The following ITFG2 variants were observed in gnomAD, a reference collection of about 807,000 sequenced individuals.
ITFG2 encodes the protein KICSTOR complex protein ITFG2.
ITFG2 carries 36 observed loss-of-function variants against 54.4 expected under a neutral mutation model. The observed-to-expected ratio is 0.66, with a 90% CI of 0.51 to 0.87. ITFG2 has a LOEUF of 0.87. Ranked by LOEUF, ITFG2 falls within the 40% of genes least tolerant of loss-of-function variation. The probability of loss-of-function intolerance (pLI) is 0.00; values close to 1 mark genes in which losing one functional copy is unlikely to be tolerated. For synonymous variants in ITFG2, 211 were observed against 225.4 expected, an observed-to-expected ratio of 0.94 and a Z score of 0.57; for missense variants, 524 against 576.7, an observed-to-expected ratio of 0.91 and a Z score of 0.94.
At chr12:2,834,389 C>T (rs1409594594), upstream of ITFG2, among the ~76,000 whole-genome samples, 1 of 152,174 alleles carries the variant, frequency 6.6e-6, no homozygotes. Flanking sequence ...TCCTCACCAC[C>T]CTCAAGTTTG....
chr12:2,820,148 T>C lies in ITFG2; in HGVS notation c.469T>C (p.Trp157Arg). The change falls in exon 5 of 12, where the codon TGG becomes CGG. Residue 157 changes from tryptophan to arginine, a missense_variant. Trp to Arg is a moderately radical substitution (Grantham distance 101, BLOSUM62 -3). Coordinates refer to ENST00000228799, the MANE Select transcript of ITFG2 (RefSeq NM_018463.4). ...AGACCGTGTGGTGCGAGCTTTCCGC[T>C]GGGAGGAGCTAGGTGAGGGTCCTGA... ...YTDRVVRAFR[W>R]EELGEGPEHL... 1 of 1,613,958 alleles carries C rather than the reference T, an allele frequency of 6.2e-7. No individual in the cohort carries two copies. The highest frequency in any genetic ancestry group is 8.5e-7 in the Non-Finnish European group (1 of 1,179,928).
At chr12:2,817,697 T>C (rs1208845216) in intron 2 of ITFG2, 1 of 528,936 alleles carries the variant, frequency 1.9e-6, no homozygotes, top group African/African-American at 1.9e-5. Flanking sequence ...GCAGGTTGTC[T>C]TAACCGCCTC....
chr12:2,835,226 C>T, upstream of ITFG2: 1 of 970,886 alleles, frequency 1.0e-6, no homozygotes, highest in Non-Finnish European at 1.2e-6. Context: ...AGAGACAGTG[C>T]TGTAAACTGT....
chr12:2,824,214 G>T lies in ITFG2; in HGVS notation c.*21G>T. On this transcript the variant is annotated 3_prime_UTR_variant, in exon 12 of 12. Transcript: ENST00000228799. ...CCTAGCTGTACTTGCCTCATAGCTG[G>T]TGAAGGATTCTTCTGAACCCCCACC... 3.7e-6 allele frequency: 6 copies of T among 1,610,840 alleles called. No individual in the cohort carries two copies. The highest frequency in any genetic ancestry group is 5.1e-6 in the Non-Finnish European group (6 of 1,177,056).
chr12:2,832,068 C>G (rs2098006003), upstream of ITFG2, among the ~76,000 whole-genome samples: 1 of 152,070 alleles, frequency 6.6e-6, no homozygotes, highest in East Asian at 1.9e-4. Flanking sequence ...AAATGTGGTC[C>G]TCAGATCAGC....
downstream of ITFG2, among the ~76,000 whole-genome samples, chr12:2,829,124 T>C (rs1188140141): frequency 6.6e-6 from 1 of 152,042 alleles, no homozygotes; most frequent in Non-Finnish European, 1.5e-5. Context: ...GAAACGGTGA[T>C]TTGTTTGTTT....
At chr12:2,843,093 CA>C (rs2098045298) in intron 2 of ITFG2, among the ~76,000 whole-genome samples, 1 of 152,172 alleles carries the variant, frequency 6.6e-6, no homozygotes, top group Admixed American at 6.5e-5. Flanking sequence ...TCACCCAGTC[CA>C]GTGCCCTGCC....
chr12:2,858,452 C>T (rs1226716594), intron 3 of ITFG2: 2 of 581,210 alleles, frequency 3.4e-6, no homozygotes, highest in African/African-American at 1.9e-5. Flanking sequence ...ATCAGATACT[C>T]TTGGGGAACA....
At chr12:2,829,342 T>G (rs1375795725), downstream of ITFG2, among the ~76,000 whole-genome samples, 1 of 152,262 alleles carries the variant, frequency 6.6e-6, no homozygotes, top group Non-Finnish European at 1.5e-5. Flanking sequence ...CATCGTTTTC[T>G]CATTCCAAAC....
chr12:2,827,928 A>G, downstream of ITFG2: 2 of 1,614,056 alleles, frequency 1.2e-6, no homozygotes, highest in Non-Finnish European at 1.7e-6. This position sits in a 1 kb window ranked among gnomAD's most constrained non-coding sequence, Gnocchi z 4.0. Flanking sequence ...GGACTTACCC[A>G]CCACCTGTGC....
At chr12:2,855,071 A>G in intron 2 of ITFG2, 2 of 1,535,984 alleles carry the variant, frequency 1.3e-6, no homozygotes, top group Non-Finnish European at 1.7e-6. Flanking sequence ...AAGGTCAGGA[A>G]GCTGTTTTGC....
At chr12:2,837,298 A>G (rs1312400188) in intron 1 of ITFG2, among the ~76,000 whole-genome samples, 2 of 152,028 alleles carry the variant, frequency 1.3e-5, no homozygotes, top group Non-Finnish European at 2.9e-5. Flanking sequence ...TAACACAGTG[A>G]AACCCCGTCT....
At chr12:2,835,159 A>ATGTGTGTGTGTGTGTGTGTGTATGTG, upstream of ITFG2, 1 of 1,007,802 alleles carries the variant, frequency 9.9e-7, no homozygotes, top group African/African-American at 2.0e-5. Context: ...GATGGGGCGT[A>ATGTGTGTGTGTGTGTGTGTGTATGTG]TGTGTGTGTG....
intron 5 of ITFG2, 87 bp from the exon 6 acceptor site, chr12:2,820,637 C>A: frequency 6.9e-6 from 2 of 288,200 alleles, no homozygotes; most frequent in East Asian, 1.5e-4. Flanking sequence ...TGCCCCCGCC[C>A]CCGCCCACCC....
intron 2 of ITFG2, among the ~76,000 whole-genome samples, chr12:2,848,585 G>T (rs1417412418): frequency 6.6e-6 from 1 of 152,004 alleles, no homozygotes; most frequent in Admixed American, 6.6e-5. Flanking sequence ...CTGAGACCTG[G>T]TTAGCCTTCC....
intron 5 of ITFG2, 145 bp from the exon 6 acceptor site, chr12:2,820,579 C>A: frequency 1.3e-6 from 1 of 746,918 alleles, no homozygotes; most frequent in Non-Finnish European, 2.2e-6. Context: ...CCTCCTGCTG[C>A]TACCCTTGAA....
At chr12:2,847,062 C>T (rs2098055138) in intron 2 of ITFG2, among the ~76,000 whole-genome samples, 1 of 152,138 alleles carries the variant, frequency 6.6e-6, no homozygotes, top group African/African-American at 2.4e-5. Context: ...CCTTCCAGCT[C>T]TGTGGCTTTG....
At chr12:2,829,724 G>A (rs2097990275), downstream of ITFG2, among the ~76,000 whole-genome samples, 1 of 152,020 alleles carries the variant, frequency 6.6e-6, no homozygotes, top group East Asian at 1.9e-4. Context: ...CTCTGATCAT[G>A]CCACTACACT....
chr12:2,834,690 G>T (rs1042150654), upstream of ITFG2: 53 of 1,613,414 alleles, frequency 3.3e-5, no homozygotes, highest in Non-Finnish European at 4.4e-5. Flanking sequence ...GCGGGAGCAG[G>T]TCGGCCGAGT....
Sources: allele counts gnomAD v4.1 joint callset (sites outside exome capture counted in the v4.1 genomes callset), GRCh38; gene constraint gnomAD v4.1.1; non-coding constraint Gnocchi (gnomAD v3.1); transcripts MANE v1.5; gene names NCBI Gene and HGNC (gene_info 2026-07-23, HGNC 2026-07-21).